CARF: variants seen among roughly 807,000 people sequenced by gnomAD.
CARF encodes the protein calcium responsive transcription factor.
In CARF, 57 loss-of-function variants were observed where a neutral mutation model predicts 82.0. The observed-to-expected ratio is 0.70, with a 90% CI of 0.56 to 0.87. CARF has a LOEUF of 0.87. CARF is among the 40% of genes least tolerant of loss of function. The pLI is 0.00. For missense variants in CARF, 771 were observed against 855.8 expected (o/e 0.90, Z 1.24); for synonymous variants, 268 against 290.1 (o/e 0.92, Z 0.77).
At chr2:202,919,524 C>A (rs764916869) in intron 2 of CARF, among the ~76,000 whole-genome samples, 1 of 152,152 alleles carries the variant, frequency 6.6e-6, no homozygotes, top group Non-Finnish European at 1.5e-5. Context: ...TCAGTGACTA[C>A]AATGCCTGCA....
At chr2:202,920,934 CAATA>C (rs939531224) in intron 2 of CARF, among the ~76,000 whole-genome samples, 1 of 151,980 alleles carries the variant, frequency 6.6e-6, no homozygotes, top group African/African-American at 2.4e-5. Context: ...GGAAGTCAGT[CAATA>C]AATAATAGTT....
intron 10 of CARF, among the ~76,000 whole-genome samples, chr2:202,969,220 T>G (rs905253041): frequency 1.0e-4 from 15 of 150,200 alleles, no homozygotes; most frequent in African/African-American, 3.7e-4. Context: ...CCTGTGACAT[T>G]GAATTATCAA....
chr2:202,964,617 C>T (rs1318954104), intron 9 of CARF, among the ~76,000 whole-genome samples: 1 of 151,828 alleles, frequency 6.6e-6, no homozygotes, highest in Non-Finnish European at 1.5e-5. Flanking sequence ...AAAACCTTTA[C>T]ATTATGGAAA....
chr2:202,970,947 T>G (rs1214469673), intron 11 of CARF, among the ~76,000 whole-genome samples: 3 of 150,980 alleles, frequency 2.0e-5, no homozygotes, highest in Non-Finnish European at 4.4e-5. Flanking sequence ...GAGCTGGGAG[T>G]GCTGTAGAGG....
At chr2:202,964,519 A>T (rs2059459054) in intron 9 of CARF, among the ~76,000 whole-genome samples, 2 of 151,930 alleles carry the variant, frequency 1.3e-5, no homozygotes. Context: ...ACACTCAAGC[A>T]ATCTGCCCAC....
chr2:202,982,494 T>C, intron 16 of CARF, 53 bp downstream of exon 16: 1 of 1,587,464 alleles, frequency 6.3e-7, no homozygotes. Flanking sequence ...TGGATTATCA[T>C]CACTATATTA....
At chr2:202,960,080 A>G (rs2059238311) in intron 8 of CARF, among the ~76,000 whole-genome samples, 1 of 152,200 alleles carries the variant, frequency 6.6e-6, no homozygotes, top group African/African-American at 2.4e-5. Flanking sequence ...GTGTGTGTGC[A>G]TGTATACATG....
chr2:202,928,493 A>T (rs1305848850), intron 3 of CARF, among the ~76,000 whole-genome samples: 1 of 152,130 alleles, frequency 6.6e-6, no homozygotes, highest in Admixed American at 6.5e-5. Context: ...TTTACCCATT[A>T]GTGGAATTGC....
intron 8 of CARF, among the ~76,000 whole-genome samples, chr2:202,957,162 G>A (rs2059092943): frequency 6.6e-6 from 1 of 152,018 alleles, no homozygotes; most frequent in African/African-American, 2.4e-5. Flanking sequence ...ATAGGCCTTT[G>A]TCCTCTTGTG....
In CARF at chr2:202,977,694, C is replaced by A. The variant is rs527911082; in HGVS notation, c.1558+362C>A. On this transcript the variant is annotated intron_variant, in intron 14 of 16. Transcript: ENST00000438828. ...ATGTGTTCTTACTGCTGGGCCCTTT[C>A]AATATTCCAAACTTATTTCCACCCT... 2.6e-5 allele frequency among the ~76,000 whole-genome samples: 4 copies of A among 152,240 alleles called. No homozygotes were observed. In the South Asian group the frequency reaches 8.3e-4, roughly 32 times the overall value.
At chr2:202,916,244 A>G (rs1235357804) in intron 1 of CARF, among the ~76,000 whole-genome samples, 1 of 151,856 alleles carries the variant, frequency 6.6e-6, no homozygotes, top group Non-Finnish European at 1.5e-5. Flanking sequence ...GCCGTGGCAC[A>G]ATCTTGGCTC....
intron 1 of CARF, among the ~76,000 whole-genome samples, chr2:202,913,872 T>C (rs191761102): frequency 6.6e-6 from 1 of 152,358 alleles, no homozygotes; most frequent in East Asian, 1.9e-4. Context: ...TTGAAAATTA[T>C]GATCAGGAAA....
intron 2 of CARF, among the ~76,000 whole-genome samples, chr2:202,918,563 A>T (rs933750306): frequency 1.3e-5 from 2 of 152,118 alleles, no homozygotes; most frequent in Non-Finnish European, 2.9e-5. Flanking sequence ...ACAAAAAAAA[A>T]CTTTACTTTG....
rs1308567602 is a variant in CARF, at chr2:202,987,881, A to G, written c.*4257A>G. Among the ~76,000 whole-genome samples the G allele has an allele frequency of 6.6e-6, 1 of 152,192 alleles. No individual in the cohort carries two copies. The highest frequency in any genetic ancestry group is 1.5e-5 in the Non-Finnish European group (1 of 68,038). On this transcript the variant is annotated 3_prime_UTR_variant, in exon 17 of 17. Transcript: ENST00000438828. ...TACCCAATATGATAAGTTTTGTCAT[A>G]TGCATACAGCCATGAAATCATCAGC...
rs1376723653 is a variant in CARF, at chr2:202,955,729, A to G, written c.613A>G (p.Ile205Val). The change falls in exon 8 of 17, where the codon ATA becomes GTA. Residue 205 changes from isoleucine to valine, a missense_variant. Ile to Val is a conservative substitution (Grantham distance 29). Coordinates refer to ENST00000438828, the MANE Select transcript of CARF (RefSeq NM_024744.17). ...PLQPLSSNTP[I>V]WACRLRSCEK... ...TCAGCCACTTTCTTCTAATACACCTATATGGGCCTGCCGTCTTAGGAGCTG... is the reference window on the plus strand; with the variant it reads ...TCAGCCACTTTCTTCTAATACACCTGTATGGGCCTGCCGTCTTAGGAGCTG... 6.2e-7 allele frequency: 1 copy of G among 1,612,090 alleles called. No homozygotes were observed. The highest frequency in any genetic ancestry group is 8.5e-7 in the Non-Finnish European group (1 of 1,178,926).
intron 4 of CARF, 36 bp from the exon 5 acceptor site, chr2:202,942,704 G>A (rs1414326777): frequency 1.4e-6 from 2 of 1,447,814 alleles, no homozygotes; most frequent in South Asian, 2.6e-5. Flanking sequence ...AAAAAATGGT[G>A]ATAGACTGAA....
At chr2:202,917,550 T>A (rs1689974566) in intron 1 of CARF, among the ~76,000 whole-genome samples, 1 of 152,196 alleles carries the variant, frequency 6.6e-6, no homozygotes, top group Admixed American at 6.5e-5. Context: ...AAAGATACCC[T>A]AATAGTAAGT....
chr2:202,953,888 T>C, intron 6 of CARF, 117 bp from the exon 7 acceptor site: 1 of 776,618 alleles, frequency 1.3e-6, no homozygotes, highest in Non-Finnish European at 1.8e-6. Flanking sequence ...ATTCCTTTAC[T>C]CTCAATAAAG....
At chr2:202,933,984 C>A (rs1048689153) in intron 3 of CARF, among the ~76,000 whole-genome samples, 6 of 151,512 alleles carry the variant, frequency 4.0e-5, no homozygotes, top group African/African-American at 2.4e-5. Flanking sequence ...TTCCCTGGAC[C>A]ACATTGGAAA....
Sources: allele counts gnomAD v4.1 joint callset (sites outside exome capture counted in the v4.1 genomes callset), GRCh38; gene constraint gnomAD v4.1.1; transcripts MANE v1.5; gene names NCBI Gene and HGNC (gene_info 2026-07-23, HGNC 2026-07-21).